The following CREB5 variants were observed in gnomAD, a reference collection of about 807,000 sequenced individuals.
CREB5 encodes cAMP responsive element binding protein 5, also known as cyclic AMP-responsive element-binding protein 5.
A neutral mutation model predicts 57.1 loss-of-function variants in CREB5; 19 were observed. That is an observed-to-expected ratio of 0.33 (90% CI 0.23 to 0.49). The LOEUF is 0.49. CREB5 is among the 20% of genes least tolerant of loss of function. The pLI is 0.99. For synonymous variants in CREB5, 238 were observed against 238.3 expected, an observed-to-expected ratio of 1.00 and a Z score of 0.01; for missense variants, 579 against 671.6, an observed-to-expected ratio of 0.86 and a Z score of 1.52.
rs1220255741 is a variant in CREB5 at position 28,643,148 on chromosome 7, G to GT, written c.464+72612dup. Among the ~76,000 whole-genome samples, 4 of 152,208 alleles carry GT rather than the reference G, an allele frequency of 2.6e-5. No homozygotes were observed. In the East Asian group the frequency reaches 7.7e-4, roughly 29 times the overall value. ...TTGCAGTGGCACCTGCATTGAACTT[G>GT]TAGGTGTTAGGAATTTTTTTCTCTC... On this transcript the variant is annotated intron_variant, in intron 5 of 10. Transcript: ENST00000357727.
At chr7:28,599,772 T>C (rs2128669207) in intron 5 of CREB5, among the ~76,000 whole-genome samples, 1 of 152,114 alleles carries the variant, frequency 6.6e-6, no homozygotes, top group South Asian at 2.1e-4. Flanking sequence ...ATTGTATTAG[T>C]TAGAACCGCA....
chr7:28,706,171 A>G (rs544169037), intron 5 of CREB5, among the ~76,000 whole-genome samples: 1 of 152,320 alleles, frequency 6.6e-6, no homozygotes, highest in East Asian at 1.9e-4. Context: ...CTCGGCCAAC[A>G]TGGCGAAACC....
At chr7:28,531,197 TCCC>T (rs1308505588) in intron 4 of CREB5, among the ~76,000 whole-genome samples, 23 of 152,058 alleles carry the variant, frequency 1.5e-4, no homozygotes, top group African/African-American at 4.8e-4. Flanking sequence ...ATCTCTTAAT[TCCC>T]CATGGCTTCG....
intron 1 of CREB5, among the ~76,000 whole-genome samples, chr7:28,394,515 C>G (rs1301281521): frequency 6.6e-6 from 1 of 152,144 alleles, no homozygotes; most frequent in African/African-American, 2.4e-5. Flanking sequence ...CATGCTAATA[C>G]TACTAAAAAT....
At chr7:28,561,126 A>T (rs1426819061) in intron 4 of CREB5, among the ~76,000 whole-genome samples, 1 of 152,078 alleles carries the variant, frequency 6.6e-6, no homozygotes, top group African/African-American at 2.4e-5. Context: ...GGCTAACTGT[A>T]GTAAGGAGAG....
chr7:28,587,867 G>A (rs556027874), intron 5 of CREB5, among the ~76,000 whole-genome samples: 161 of 152,260 alleles, frequency 1.1e-3, no homozygotes, highest in African/African-American at 3.5e-3. Context: ...TACCTAAAAT[G>A]TCTCCATGGG....
At chr7:28,310,271 T>C (rs777425000) in intron 1 of CREB5, among the ~76,000 whole-genome samples, 21 of 152,214 alleles carry the variant, frequency 1.4e-4, no homozygotes, top group Non-Finnish European at 2.1e-4. Context: ...AAAGGAAGTG[T>C]TCATTTGGCC....
chr7:28,762,251 GATAAA>G (rs1413568305), intron 7 of CREB5, among the ~76,000 whole-genome samples: 4 of 152,208 alleles, frequency 2.6e-5, no homozygotes, highest in African/African-American at 4.8e-5. Flanking sequence ...TAAATCTGAA[GATAAA>G]ATAAACATTT....
chr7:28,700,223 C>T (rs114220875), intron 5 of CREB5, among the ~76,000 whole-genome samples: 1 of 152,188 alleles, frequency 6.6e-6, no homozygotes, highest in African/African-American at 2.4e-5. Context: ...CCAACTCACA[C>T]ACGCGCACAA....
At chr7:28,386,343 T>C (rs539520207) in intron 1 of CREB5, among the ~76,000 whole-genome samples, 1 of 152,218 alleles carries the variant, frequency 6.6e-6, no homozygotes, top group Admixed American at 6.5e-5. Context: ...ACACATTTTG[T>C]AGACTTCATG....
At chr7:28,770,833 T>C (rs568989956) in intron 7 of CREB5, among the ~76,000 whole-genome samples, 2 of 152,334 alleles carry the variant, frequency 1.3e-5, no homozygotes, top group Admixed American at 6.5e-5. Flanking sequence ...CTTTCAGTTA[T>C]AGAATGAATA....
At chr7:28,539,709 T>C (rs1264037698) in intron 4 of CREB5, among the ~76,000 whole-genome samples, 1 of 152,210 alleles carries the variant, frequency 6.6e-6, no homozygotes, top group African/African-American at 2.4e-5. Flanking sequence ...CCTCAGTCAC[T>C]AAGTTTCAGT....
chr7:28,792,670 G>A (rs1031652799), intron 7 of CREB5, among the ~76,000 whole-genome samples: 3 of 152,194 alleles, frequency 2.0e-5, no homozygotes, highest in Non-Finnish European at 4.4e-5. Flanking sequence ...AAAAGATTCC[G>A]TATTTTTTAT....
At chr7:28,751,362 T>C (rs1804964645) in intron 7 of CREB5, among the ~76,000 whole-genome samples, 1 of 152,254 alleles carries the variant, frequency 6.6e-6, no homozygotes, top group African/African-American at 2.4e-5. Flanking sequence ...ACATTTGGAA[T>C]TGGCATGTTG....
chr7:28,658,418 G>T (rs79837213), intron 5 of CREB5, among the ~76,000 whole-genome samples: 6,935 of 152,224 alleles, frequency 0.046, 236 homozygotes, highest in Middle Eastern at 0.099. Flanking sequence ...TTGTTAGATC[G>T]ACTCTTATTT....
At chr7:28,465,586 A>C (rs1386934930) in intron 1 of CREB5, among the ~76,000 whole-genome samples, 5 of 152,200 alleles carry the variant, frequency 3.3e-5, no homozygotes, top group African/African-American at 1.2e-4. Flanking sequence ...TTCAAGTCCT[A>C]GCTCTGCTTT....
chr7:28,812,758 C>CCTT (rs1809200328), intron 9 of CREB5, among the ~76,000 whole-genome samples: 1 of 152,130 alleles, frequency 6.6e-6, no homozygotes, highest in African/African-American at 2.4e-5. Flanking sequence ...TTTGAATGAC[C>CCTT]CTTTCCCTCT....
At chr7:28,538,831 G>A (rs1346733626) in intron 4 of CREB5, among the ~76,000 whole-genome samples, 1 of 152,132 alleles carries the variant, frequency 6.6e-6, no homozygotes, top group Non-Finnish European at 1.5e-5. Flanking sequence ...TGTTTTCACT[G>A]TGATTTCATC....
chr7:28,477,045 G>A (rs1791101931), intron 1 of CREB5, among the ~76,000 whole-genome samples: 1 of 152,320 alleles, frequency 6.6e-6, no homozygotes, highest in African/African-American at 2.4e-5. Context: ...CTCATGCATG[G>A]TAGGTGCTCA....
Sources: allele counts gnomAD v4.1 joint callset (sites outside exome capture counted in the v4.1 genomes callset), GRCh38; gene constraint gnomAD v4.1.1; transcripts MANE v1.5; gene names NCBI Gene and HGNC (gene_info 2026-07-23, HGNC 2026-07-21).